The following CADPS variants were observed in gnomAD, a reference collection of about 807,000 sequenced individuals.
CADPS encodes the protein calcium dependent secretion activator, also known as calcium-dependent secretion activator 1.
In CADPS, 57 loss-of-function variants were observed where a neutral mutation model predicts 167.3. The observed-to-expected ratio is 0.34, with a 90% CI of 0.28 to 0.42. The LOEUF (loss-of-function observed/expected upper bound fraction) is 0.42, where lower values mean the gene tolerates loss of function less well. CADPS is among the 20% of genes least tolerant of loss of function. The pLI, the probability that CADPS is intolerant of heterozygous loss-of-function variation, is 1.00. For synonymous variants in CADPS, 676 were observed against 635.3 expected (o/e 1.06, Z -0.96); for missense variants, 1,414 against 1,738.1 (o/e 0.81, Z 3.32).
At chr3:62,655,161 G>A (rs2071230988) in intron 4 of CADPS, among the ~76,000 whole-genome samples, 1 of 152,142 alleles carries the variant, frequency 6.6e-6, no homozygotes, top group South Asian at 2.1e-4. Flanking sequence ...GGAAAACAAG[G>A]ACATTTTTCT....
rs2055570118 is a variant in CADPS at position 62,438,291 on chromosome 3, C to T, written c.3670-80G>A. On this transcript the variant is annotated intron_variant, in intron 27 of 29. Transcript: ENST00000383710. The surrounding 1 kb of genome is among the most constrained non-coding windows in gnomAD (Gnocchi z 4.7). ...GTTTACCATTCACTTGTACCCTCTA[C>T]TTGCCCTCACACACCCTGAGATGCT... 1.1e-5 allele frequency: 11 copies of T among 990,318 alleles called. No individual in the cohort carries two copies. The highest frequency in any genetic ancestry group is 1.7e-5 in the Non-Finnish European group (11 of 629,862). The allele number at this position is 990,318 out of a possible 1,614,324, so 61.3% of individuals were successfully genotyped here.
intron 27 of CADPS, chr3:62,440,831 A>G (rs934912902): frequency 6.6e-6 from 1 of 152,114 alleles, no homozygotes; most frequent in African/African-American, 2.4e-5. Flanking sequence ...AGACATGCAG[A>G]CTCACCAACC....
At chr3:62,860,684 A>AC (rs1223080422) in intron 1 of CADPS, among the ~76,000 whole-genome samples, 1 of 152,190 alleles carries the variant, frequency 6.6e-6, no homozygotes, top group East Asian at 1.9e-4. Flanking sequence ...TCCAAATCTT[A>AC]CCACCTCTAT....
chr3:62,775,493 T>C lies in CADPS; in HGVS notation c.442-9509A>G, dbSNP rs543380203. Among the ~76,000 whole-genome samples, 5 of 152,304 alleles carry C rather than the reference T, an allele frequency of 3.3e-5. No individual in the cohort carries two copies. In the East Asian group the frequency reaches 9.6e-4, roughly 29 times the overall value. ...ATATGACTTAATATTGCCACTGATA[T>C]CAAAAAAATCTTTAGGTATTAAGAA... On this transcript the variant is annotated intron_variant, in intron 1 of 29. Coordinates refer to ENST00000383710, the MANE Select transcript of CADPS (RefSeq NM_003716.4).
chr3:62,503,496 C>T (rs1198857658), intron 17 of CADPS, among the ~76,000 whole-genome samples: 1 of 152,222 alleles, frequency 6.6e-6, no homozygotes, highest in Non-Finnish European at 1.5e-5. Flanking sequence ...CAATTAATTG[C>T]TTTGCAAAAG....
At chr3:62,406,940 G>T (rs921378221) in intron 28 of CADPS, among the ~76,000 whole-genome samples, 57 of 152,164 alleles carry the variant, frequency 3.7e-4, no homozygotes, top group African/African-American at 1.4e-3. Flanking sequence ...ACATCCACCT[G>T]GGTTTGTGAT....
chr3:62,817,504 G>C (rs1486147548), intron 1 of CADPS, among the ~76,000 whole-genome samples: 2 of 152,098 alleles, frequency 1.3e-5, no homozygotes, highest in Non-Finnish European at 2.9e-5. Flanking sequence ...GTTTAAGTTT[G>C]TAGAAACTTT....
chr3:62,454,863 T>C (rs759336183), intron 26 of CADPS, among the ~76,000 whole-genome samples: 9 of 152,138 alleles, frequency 5.9e-5, no homozygotes, highest in Non-Finnish European at 1.2e-4. Context: ...ACTATTATCA[T>C]AGTAATGAGG....
At position 62,433,530 on chromosome 3, in the gene CADPS, C is replaced by T. The variant is rs2054390066; in HGVS notation, c.3777+4574G>A. Among the ~76,000 whole-genome samples, 1 of 152,052 alleles carries T rather than the reference C, an allele frequency of 6.6e-6. No individual in the cohort carries two copies. The highest frequency in any genetic ancestry group is 1.5e-5 in the Non-Finnish European group (1 of 68,024). ...AAGGCAGATTAAGTGTATAATTGAC[C>T]TATATAATCCATGTATCATCTCCAG... On this transcript the variant is annotated intron_variant, in intron 28 of 29. Transcript: ENST00000383710. The surrounding 1 kb of genome is among the most constrained non-coding windows in gnomAD (Gnocchi z 4.7).
In CADPS at chr3:62,699,225, C is replaced by T. The variant is rs561357584; in HGVS notation, c.889-36831G>A. ...TTTTTAAAAATCTGTTTTGTAGAGT[C>T]AGGGTCTCACTATGTTGCCCAGGCT... On this transcript the variant is annotated intron_variant, in intron 3 of 29. Transcript: ENST00000383710. Among the ~76,000 whole-genome samples the T allele has an allele frequency of 2.5e-4, 38 of 152,012 alleles. 1 individual carries two copies. Among genetic ancestry groups the T allele is most frequent in the Admixed American group, 1.8e-3 (27 of 15,284 alleles).
At chr3:62,434,121 T>C (rs1440781996) in intron 28 of CADPS, among the ~76,000 whole-genome samples, 3 of 152,374 alleles carry the variant, frequency 2.0e-5, no homozygotes, top group East Asian at 1.9e-4. Flanking sequence ...AAATTCAGCA[T>C]CTTTAATCTA....
intron 6 of CADPS, among the ~76,000 whole-genome samples, chr3:62,615,913 G>A (rs144700901): frequency 6.6e-6 from 1 of 152,276 alleles, no homozygotes; most frequent in African/African-American, 2.4e-5. Flanking sequence ...CCTTCTGAGT[G>A]GTGTCATATA....
intron 26 of CADPS, among the ~76,000 whole-genome samples, chr3:62,462,482 G>C (rs1300713845): frequency 1.3e-5 from 2 of 152,370 alleles, no homozygotes; most frequent in East Asian, 3.9e-4. Context: ...GAAAGGAGGC[G>C]CTCAGCGGGA....
At chr3:62,812,677 T>G (rs1264466318) in intron 1 of CADPS, among the ~76,000 whole-genome samples, 1 of 152,198 alleles carries the variant, frequency 6.6e-6, no homozygotes, top group African/African-American at 2.4e-5. Flanking sequence ...ATTAAATGGT[T>G]CAAAATGCAT....
chr3:62,425,595 A>C (rs1030501526), intron 28 of CADPS, among the ~76,000 whole-genome samples: 34 of 152,240 alleles, frequency 2.2e-4, no homozygotes, highest in Non-Finnish European at 3.7e-4. Context: ...CAAACATTAA[A>C]AGACAAAATT....
At chr3:62,740,232 GC>G (rs1251868923) in intron 3 of CADPS, among the ~76,000 whole-genome samples, 3 of 152,150 alleles carry the variant, frequency 2.0e-5, no homozygotes, top group African/African-American at 7.2e-5. Context: ...ACTGCATAGG[GC>G]ATGGTCTTCT....
chr3:62,426,307 T>C (rs940147777), intron 28 of CADPS, among the ~76,000 whole-genome samples: 2 of 152,132 alleles, frequency 1.3e-5, no homozygotes, highest in Admixed American at 1.3e-4. Context: ...TGCGCTGCCA[T>C]GCTCAGCTAA....
At chr3:62,459,681 C>T (rs2059106718) in intron 26 of CADPS, among the ~76,000 whole-genome samples, 1 of 152,208 alleles carries the variant, frequency 6.6e-6, no homozygotes, top group African/African-American at 2.4e-5. Flanking sequence ...TCTGAGTAAT[C>T]ACCATGCTTG....
chr3:62,503,368 C>A (rs1018360029), intron 17 of CADPS, among the ~76,000 whole-genome samples: 3 of 152,186 alleles, frequency 2.0e-5, no homozygotes, highest in African/African-American at 7.2e-5. Flanking sequence ...AGTATCTTTT[C>A]TTGTATATGT....
Sources: gnomAD v4.1 joint callset for allele counts (sites outside exome capture counted in the v4.1 genomes callset) on GRCh38, gnomAD v4.1.1 for gene constraint, Gnocchi (gnomAD v3.1) non-coding constraint, MANE v1.5 for transcripts, NCBI Gene and HGNC (gene_info 2026-07-23, HGNC 2026-07-21) for gene names.